SERTAD2: variants seen among roughly 807,000 people sequenced by gnomAD.
SERTAD2 encodes SERTA domain-containing protein 2.
A neutral mutation model predicts 15.4 loss-of-function variants in SERTAD2; 2 were observed. The ratio of observed to expected loss-of-function variants is 0.13; its 90% confidence interval spans 0.05 to 0.41. SERTAD2 has a LOEUF of 0.41. Among genes scored for constraint, SERTAD2 ranks in the 10% least tolerant of loss-of-function variants. The probability of loss-of-function intolerance (pLI) is 0.99; values close to 1 mark genes in which losing one functional copy is unlikely to be tolerated. For synonymous variants in SERTAD2, 180 were observed against 178.0 expected (o/e 1.01, Z -0.09); for missense variants, 333 against 409.7 (o/e 0.81, Z 1.62).
intron 1 of SERTAD2, among the ~76,000 whole-genome samples, chr2:64,646,996 T>G (rs1674916423): frequency 6.6e-6 from 1 of 152,226 alleles, no homozygotes; most frequent in African/African-American, 2.4e-5. Flanking sequence ...TACTTCTTAA[T>G]AACTATAAAT....
chr2:64,636,932 T>C lies in SERTAD2; in HGVS notation c.-4-57A>G, dbSNP rs1284343913. On this transcript the variant is annotated intron_variant, in intron 1 of 1. Transcript: ENST00000313349. The stretch of plus-strand genomic sequence containing the variant: ...ATCACATGAAAGCTGATTTCTCCCA[T>C]AAAAAAAGAGACTGATTTAGAGGGC... 7 of 1,273,394 alleles carry C rather than the reference T, an allele frequency of 5.5e-6. No individual in the cohort carries two copies. The Admixed American group carries it at 1.3e-4, about 23-fold the overall frequency. 78.9% of individuals were successfully genotyped at this position (1,273,394 alleles called of 1,614,324 possible).
chr2:64,638,965 C>T (rs2104340661), intron 1 of SERTAD2, among the ~76,000 whole-genome samples: 1 of 152,312 alleles, frequency 6.6e-6, no homozygotes, highest in Non-Finnish European at 1.5e-5. Flanking sequence ...ATGAGAGGTA[C>T]TACTGGACAA....
intron 1 of SERTAD2, among the ~76,000 whole-genome samples, chr2:64,643,885 AAAAC>A (rs953209947): frequency 9.2e-5 from 14 of 151,972 alleles, no homozygotes; most frequent in Non-Finnish European, 1.3e-4. Flanking sequence ...AAAACAAAAC[AAAAC>A]AAAAAAAACA....
At chr2:64,642,725 G>A (rs977059901) in intron 1 of SERTAD2, among the ~76,000 whole-genome samples, 1 of 152,178 alleles carries the variant, frequency 6.6e-6, no homozygotes, top group Admixed American at 6.5e-5. Context: ...CTGGGTTGGG[G>A]GGGCAGGGGC....
Position 64,651,130 on chromosome 2 carries a change from T to C in SERTAD2, c.-5+2490A>G, listed in dbSNP as rs1396541151. On this transcript the variant is annotated intron_variant, in intron 1 of 1. Transcript: ENST00000313349. Reference sequence around the variant, plus strand: ...TATATAGCTTTTTCCACAGGTAATATTGACAAAGTGGTCTTGATTCTGTTG... The same window carrying C: ...TATATAGCTTTTTCCACAGGTAATACTGACAAAGTGGTCTTGATTCTGTTG... Among the ~76,000 whole-genome samples, 4 of 152,214 alleles carry C rather than the reference T, an allele frequency of 2.6e-5. No homozygotes were observed. The South Asian group carries it at 8.3e-4, about 32-fold the overall frequency.
chr2:64,640,605 G>T lies in SERTAD2; in HGVS notation c.-4-3730C>A, dbSNP rs185899479. 1.6e-4 allele frequency among the ~76,000 whole-genome samples: 24 copies of T among 152,252 alleles called. No individual in the cohort carries two copies. The East Asian group carries it at 3.3e-3, about 21-fold the overall frequency. The stretch of plus-strand genomic sequence containing the variant: ...TGAAGCAGTAGCAGGAGCTAAGGAC[G>T]TGTAGGTGACTCTAGGGAGGGGGTG... On this transcript the variant is annotated intron_variant, in intron 1 of 1. Transcript: ENST00000313349.
intron 1 of SERTAD2, among the ~76,000 whole-genome samples, chr2:64,647,024 G>A (rs994076928): frequency 6.6e-6 from 1 of 152,182 alleles, no homozygotes; most frequent in Non-Finnish European, 1.5e-5. Flanking sequence ...ATACTGAACA[G>A]ATACTGCTTC....
At chr2:64,648,722 G>C (rs939168571) in intron 1 of SERTAD2, among the ~76,000 whole-genome samples, 1 of 152,112 alleles carries the variant, frequency 6.6e-6, no homozygotes, top group Non-Finnish European at 1.5e-5. Context: ...GCTTTAGAAG[G>C]AGGCAGGAAC....
chr2:64,635,971 G>C lies in SERTAD2; in HGVS notation c.901C>G (p.Leu301Val), dbSNP rs774470090. 1 of 1,614,078 alleles carries C rather than the reference G, an allele frequency of 6.2e-7. No homozygotes were observed. Among genetic ancestry groups the C allele is most frequent in the Non-Finnish European group, 8.5e-7 (1 of 1,179,980 alleles). ...VTPSQPFKMD[L>V]TELDHIMEVL... ...TCCATGATGTGGTCCAGCTCTGTGA[G>C]GTCCATTTTGAAAGGCTGACTTGGG... Residue 301 changes from leucine to valine, a missense_variant, in exon 2 of 2, where the codon CTC becomes GTC. By Grantham distance (32) the Leu-to-Val change is conservative. Around this residue, in one of 2 missense-constraint regions of SERTAD2, gnomAD observed 332 missense variants for 392.9 expected, o/e 0.84. Coordinates refer to ENST00000313349, the MANE Select transcript of SERTAD2 (RefSeq NM_014755.3).
chr2:64,638,994 CTG>C (rs1404686738), intron 1 of SERTAD2, among the ~76,000 whole-genome samples: 2 of 152,194 alleles, frequency 1.3e-5, no homozygotes, highest in Non-Finnish European at 2.9e-5. Flanking sequence ...TGAAACATAA[CTG>C]TATTCACAGG....
Position 64,633,026 on chromosome 2 carries a change from G to T in SERTAD2, c.*2901C>A. ...CACCTCAAGCTGCCTGCCTGGCCCT[G>T]GATGCCATGTGATGTCTTTCATAAA... On this transcript the variant is annotated 3_prime_UTR_variant, in exon 2 of 2. Transcript: ENST00000313349. The T allele has an allele frequency of 6.5e-6, 1 of 152,720 alleles. No homozygotes were observed. The highest frequency in any genetic ancestry group is 1.5e-5 in the Non-Finnish European group (1 of 68,050). 9.5% of individuals were successfully genotyped at this position (152,720 alleles called of 1,614,324 possible).
rs1204741667 is a variant in SERTAD2, at chr2:64,634,315, T to C, written c.*1612A>G. The C allele has an allele frequency of 2.2e-5, 3 of 135,332 alleles. No individual in the cohort carries two copies. The highest frequency in any genetic ancestry group is 8.5e-5 in the African/African-American group (3 of 35,320). 8.4% of individuals were successfully genotyped at this position (135,332 alleles called of 1,614,324 possible). On this transcript the variant is annotated 3_prime_UTR_variant, in exon 2 of 2. Coordinates refer to ENST00000313349, the MANE Select transcript of SERTAD2 (RefSeq NM_014755.3). ...ATGATACATTGCAACCTTTTTAAAA[T>C]TAAATGTACACCACTAGGAATAAAA...
intron 1 of SERTAD2, among the ~76,000 whole-genome samples, chr2:64,649,647 C>CA (rs923886118): frequency 3.3e-5 from 5 of 152,124 alleles, no homozygotes; most frequent in African/African-American, 1.2e-4. Flanking sequence ...TGTAAAGTGA[C>CA]AAAAAAGATA....
chr2:64,642,477 AACTAT>A (rs1224565911), intron 1 of SERTAD2, among the ~76,000 whole-genome samples: 5 of 152,214 alleles, frequency 3.3e-5, no homozygotes, highest in Admixed American at 2.6e-4. Context: ...AAGGTTTTTC[AACTAT>A]TTAAAAGCTA....
chr2:64,641,434 G>A (rs770556360), intron 1 of SERTAD2, among the ~76,000 whole-genome samples: 1 of 152,188 alleles, frequency 6.6e-6, no homozygotes, highest in Non-Finnish European at 1.5e-5. Flanking sequence ...CATTTAAGGT[G>A]GGATTGTCTC....
At chr2:64,647,384 A>C (rs1384290400) in intron 1 of SERTAD2, among the ~76,000 whole-genome samples, 1 of 152,192 alleles carries the variant, frequency 6.6e-6, no homozygotes, top group Non-Finnish European at 1.5e-5. Flanking sequence ...ACATTAGGGT[A>C]AGGAACTCTC....
chr2:64,645,944 TAA>T (rs5831712), intron 1 of SERTAD2, among the ~76,000 whole-genome samples: 19 of 151,982 alleles, frequency 1.3e-4, no homozygotes, highest in Admixed American at 5.9e-4. Flanking sequence ...ACACTTGATT[TAA>T]AAAAAAATTA....
chr2:64,647,414 A>G (rs1674924699), intron 1 of SERTAD2, among the ~76,000 whole-genome samples: 2 of 152,182 alleles, frequency 1.3e-5, no homozygotes, highest in South Asian at 2.1e-4. Flanking sequence ...AATTTTTCCC[A>G]TAAGATTACG....
intron 1 of SERTAD2, among the ~76,000 whole-genome samples, chr2:64,642,512 T>G (rs576861641): frequency 2.6e-5 from 4 of 152,338 alleles, no homozygotes; most frequent in African/African-American, 9.6e-5. Context: ...AAAAATCTTT[T>G]TTTTTTTAAA....
Sources: gnomAD v4.1 joint callset for allele counts (sites outside exome capture counted in the v4.1 genomes callset) on GRCh38, gnomAD v4.1.1 for gene constraint, gnomAD v4.1.1 regional missense constraint, MANE v1.5 for transcripts, NCBI Gene and HGNC (gene_info 2026-07-23, HGNC 2026-07-21) for gene names.